Variants in FOSL2 observed in about 807,000 individuals in gnomAD.
The protein encoded by FOSL2 is fos-related antigen 2.
FOSL2 carries 3 observed loss-of-function variants against 27.7 expected under a neutral mutation model. That is an observed-to-expected ratio of 0.11 (90% CI 0.05 to 0.28). FOSL2 has a LOEUF of 0.28. Ranked by LOEUF, FOSL2 falls within the 10% of genes least tolerant of loss-of-function variation. FOSL2 has a pLI of 1.00. For missense variants in FOSL2, 333 were observed against 445.1 expected, an observed-to-expected ratio of 0.75 and a Z score of 2.27; for synonymous variants, 179 against 190.1, an observed-to-expected ratio of 0.94 and a Z score of 0.48.
Position 28,393,521 on chromosome 2 carries a change from G to A in FOSL2, c.-200G>A. On this transcript the variant is annotated 5_prime_UTR_variant, in exon 1 of 4. Coordinates refer to ENST00000264716, the MANE Select transcript of FOSL2 (RefSeq NM_005253.4). The surrounding 1 kb of genome is among the most constrained non-coding windows in gnomAD (Gnocchi z 4.6). The stretch of plus-strand genomic sequence containing the variant: ...CAGAGCCGGAAAGAAGTGCTGTAAG[G>A]GACGCTCGGGGGACGCTGTTCCTGA... The A allele has an allele frequency of 1.8e-6, 1 of 548,752 alleles. No individual in the cohort carries two copies. The highest frequency in any genetic ancestry group is 2.2e-5 in the South Asian group (1 of 45,100). The allele number at this position is 548,752 out of a possible 1,614,324, so 34.0% of individuals were successfully genotyped here.
chr2:28,396,833 C>A (rs1158728613), intron 1 of FOSL2: 4 of 151,368 alleles, frequency 2.6e-5, no homozygotes, highest in Admixed American at 2.0e-4. Context: ...CACACACACA[C>A]ACACAAAATT....
At position 28,413,967 on chromosome 2, in the gene FOSL2, C is replaced by A. The variant is rs1664261208; in HGVS notation, c.*1519C>A. On this transcript the variant is annotated 3_prime_UTR_variant, in exon 4 of 4. Coordinates refer to ENST00000264716, the MANE Select transcript of FOSL2 (RefSeq NM_005253.4). ...CCCCTGGCCTCCAGCAGGAGCACAGCTCAGCAGGGTCCCTGCTGCCCACCC... is the reference window on the plus strand; with the variant it reads ...CCCCTGGCCTCCAGCAGGAGCACAGATCAGCAGGGTCCCTGCTGCCCACCC... The A allele has an allele frequency of 5.0e-6, 2 of 397,210 alleles. No homozygotes were observed. Among genetic ancestry groups the A allele is most frequent in the Non-Finnish European group, 8.9e-6 (2 of 225,744 alleles). The allele number at this position is 397,210 out of a possible 1,614,324, so 24.6% of individuals were successfully genotyped here.
chr2:28,400,109 A>C (rs183003058), intron 1 of FOSL2, among the ~76,000 whole-genome samples: 2 of 152,234 alleles, frequency 1.3e-5, no homozygotes, highest in Admixed American at 1.3e-4. Flanking sequence ...AGCATCTTCA[A>C]AGTGTCCTTG....
At chr2:28,394,853 T>C (rs1663777772) in intron 1 of FOSL2, among the ~76,000 whole-genome samples, 1 of 151,848 alleles carries the variant, frequency 6.6e-6, no homozygotes, top group Admixed American at 6.5e-5. Context: ...ATCTGTGGAG[T>C]CTAGCATAGT....
intron 1 of FOSL2, among the ~76,000 whole-genome samples, chr2:28,394,149 CCACCCCT>C (rs1227078915): frequency 1.4e-4 from 16 of 111,380 alleles, no homozygotes; most frequent in African/African-American, 5.8e-4. Flanking sequence ...CCCCCCCCCC[CCACCCCT>C]GCCCCGCGTC....
Position 28,415,095 on chromosome 2 carries a change from T to TG in FOSL2, c.*2651dup, listed in dbSNP as rs1374733248. 1 of 152,280 alleles carries TG rather than the reference T, an allele frequency of 6.6e-6. No homozygotes were observed. The highest frequency in any genetic ancestry group is 2.4e-5 in the African/African-American group (1 of 41,430). The allele number at this position is 152,280 out of a possible 1,614,324, so 9.4% of individuals were successfully genotyped here. ...GCTCCAGCTATGGGAACAGCTGCAT[T>TG]GGGGCTGCCTTTCTGTTTGGCTTAG... On this transcript the variant is annotated 3_prime_UTR_variant, in exon 4 of 4. Transcript: ENST00000264716.
At position 28,408,775 on chromosome 2, in the gene FOSL2, A is replaced by G; in HGVS notation, c.371A>G (p.Glu124Gly). The G allele has an allele frequency of 6.2e-7, 1 of 1,611,148 alleles. No homozygotes were observed. Residue 124 changes from glutamate to glycine, a missense_variant, in exon 3 of 4, where the codon GAG (glutamate) becomes GGG (glycine). This residue lies in a region of FOSL2 where 40 missense variants were observed against 104.2 expected (regional missense o/e 0.38). Coordinates refer to ENST00000264716, the MANE Select transcript of FOSL2 (RefSeq NM_005253.4). This position sits in a 1 kb window ranked among gnomAD's most constrained non-coding sequence, Gnocchi z 4.1. Reference protein sequence around the residue: ...RRDEQLSPEEEEKRRIRRERN... With the variant: ...RRDEQLSPEEGEKRRIRRERN... The stretch of plus-strand genomic sequence containing the variant: ...GGCCTCTAGCTGTCTCCTGAAGAGG[A>G]GGAGAAGCGTCGCATCCGGCGGGAG...
At chr2:28,403,066 G>C (rs1211356366) in intron 1 of FOSL2, among the ~76,000 whole-genome samples, 1 of 152,164 alleles carries the variant, frequency 6.6e-6, no homozygotes, top group Non-Finnish European at 1.5e-5. Context: ...TGTGGACACA[G>C]GAGTCATCTG....
intron 3 of FOSL2, among the ~76,000 whole-genome samples, chr2:28,409,637 A>G (rs916008997): frequency 6.6e-6 from 1 of 152,226 alleles, no homozygotes; most frequent in African/African-American, 2.4e-5. Flanking sequence ...GACTCTCCCC[A>G]GTGGAATGCT....
intron 1 of FOSL2, chr2:28,396,803 C>CACACACACACACACACACAA (rs1558564575): frequency 1.2e-4 from 17 of 147,482 alleles, no homozygotes; most frequent in African/African-American, 4.3e-4. Flanking sequence ...CACACACACA[C>CACACACACACACACACACAA]ACACACACAC....
rs1446836826 is a variant in FOSL2 at position 28,404,598 on chromosome 2, A to T, written c.354+240A>T. ...TCTCTGAGTCTCACTTTCCTCAGCC[A>T]CAAAATGGGGATCATGGTCCCTGCA... On this transcript the variant is annotated intron_variant, in intron 2 of 3. Transcript: ENST00000264716. This position sits in a 1 kb window ranked among gnomAD's most constrained non-coding sequence, Gnocchi z 4.7. 1.3e-5 allele frequency among the ~76,000 whole-genome samples: 2 copies of T among 152,140 alleles called. No homozygotes were observed. Among genetic ancestry groups the T allele is most frequent in the Admixed American group, 6.6e-5 (1 of 15,266 alleles).
In FOSL2 at chr2:28,404,095, TC is replaced by T. The variant is rs1558567371; in HGVS notation, c.103-10del. On this transcript the variant is annotated splice_polypyrimidine_tract_variant and intron_variant, in intron 1 of 3. Transcript: ENST00000264716. This position sits in a 1 kb window ranked among gnomAD's most constrained non-coding sequence, Gnocchi z 4.7. ...TTTATTGGCTCATTTGTATTTTTTT[TC>T]CTCATTTCAGAAATTCCGGGTAGAT... The T allele has an allele frequency of 1.2e-6, 2 of 1,613,900 alleles. No individual in the cohort carries two copies. The highest frequency in any genetic ancestry group is 1.7e-5 in the Admixed American group (1 of 60,016).
chr2:28,407,263 G>A (rs1422556374), intron 2 of FOSL2, among the ~76,000 whole-genome samples: 1 of 152,236 alleles, frequency 6.6e-6, no homozygotes, highest in South Asian at 2.1e-4. Context: ...CTGCAGCAGG[G>A]CCATAAGGCT....
In FOSL2 at chr2:28,393,744, C is replaced by G; in HGVS notation, c.24C>G (p.Asn8Lys). Residue 8 changes from asparagine to lysine, a missense_variant, in exon 1 of 4, where the codon AAC becomes AAG. Physicochemically the swap from Asn to Lys is moderately conservative, Grantham distance 94. Transcript: ENST00000264716. This position sits in a 1 kb window ranked among gnomAD's most constrained non-coding sequence, Gnocchi z 4.6. ...TCATGTACCAGGATTATCCCGGGAA[C>G]TTTGACACCTCGTCCCGGGGCAGCA... MYQDYPG[N>K]FDTSSRGSSG... 5 of 1,610,472 alleles carry G rather than the reference C, an allele frequency of 3.1e-6. No individual in the cohort carries two copies. Among genetic ancestry groups the G allele is most frequent in the African/African-American group, 2.7e-5 (2 of 74,862 alleles).
chr2:28,410,258 G>T (rs1664164015), intron 3 of FOSL2, among the ~76,000 whole-genome samples: 1 of 152,150 alleles, frequency 6.6e-6, no homozygotes, highest in Non-Finnish European at 1.5e-5. Context: ...TTCCTCAGCG[G>T]GCCCTCCCAC....
In FOSL2 at chr2:28,415,556, G is replaced by C. The variant is rs1486098479; in HGVS notation, c.*3108G>C. On this transcript the variant is annotated 3_prime_UTR_variant, in exon 4 of 4. Transcript: ENST00000264716. ...ACTTGATTCCAAGTGTGGTTGAATTGTCTGGAGCACTGGGACTTTTTTTCT... is the reference window on the plus strand; with the variant it reads ...ACTTGATTCCAAGTGTGGTTGAATTCTCTGGAGCACTGGGACTTTTTTTCT... The C allele has an allele frequency of 1.3e-5, 2 of 152,328 alleles. No individual in the cohort carries two copies. Among genetic ancestry groups the C allele is most frequent in the African/African-American group, 4.8e-5 (2 of 41,574 alleles). 9.4% of individuals were successfully genotyped at this position (152,328 alleles called of 1,614,324 possible). A position where few individuals can be genotyped will look rare whatever the true frequency, so the allele number is the denominator to read the frequency against.
At position 28,412,287 on chromosome 2, in the gene FOSL2, A is replaced by G. The variant is rs778801664; in HGVS notation, c.820A>G (p.Thr274Ala). The G allele has an allele frequency of 1.3e-5, 21 of 1,613,328 alleles. No homozygotes were observed. Among genetic ancestry groups the G allele is most frequent in the Non-Finnish European group, 1.8e-5 (21 of 1,179,848 alleles). ...CGTGGTGACCTCCACACCTGCTGTC[A>G]CTCCGGGCACCTCGAACCTCGTCTT... ...PIVVTSTPAV[T>A]PGTSNLVFTY... Residue 274 changes from threonine to alanine, a missense_variant, in exon 4 of 4, where the codon ACT (threonine) becomes GCT (alanine). This residue lies in a region of FOSL2 where 136 missense variants were observed against 123.7 expected (regional missense o/e 1.10). Coordinates refer to ENST00000264716, the MANE Select transcript of FOSL2 (RefSeq NM_005253.4). This position sits in a 1 kb window ranked among gnomAD's most constrained non-coding sequence, Gnocchi z 7.1.
At chr2:28,410,257 G>A (rs1051838994) in intron 3 of FOSL2, among the ~76,000 whole-genome samples, 9 of 152,182 alleles carry the variant, frequency 5.9e-5, no homozygotes, top group East Asian at 1.9e-4. Context: ...CTTCCTCAGC[G>A]GGCCCTCCCA....
chr2:28,415,824 A>G lies in FOSL2; in HGVS notation c.*3376A>G, dbSNP rs1572500048. The G allele has an allele frequency of 1.3e-5, 2 of 152,190 alleles. No homozygotes were observed. Among genetic ancestry groups the G allele is most frequent in the South Asian group, 4.1e-4 (2 of 4,836 alleles). The allele number at this position is 152,190 out of a possible 1,614,324, so 9.4% of individuals were successfully genotyped here. On this transcript the variant is annotated 3_prime_UTR_variant, in exon 4 of 4. Transcript: ENST00000264716. ...TAAACAGAAACACTTAGAGGTGAGA[A>G]GGTCTGTCTTCAAGATCCAAGGTAA...
Sources: allele counts gnomAD v4.1 joint callset (sites outside exome capture counted in the v4.1 genomes callset), GRCh38; gene constraint gnomAD v4.1.1; regional missense constraint gnomAD v4.1.1; non-coding constraint Gnocchi (gnomAD v3.1); transcripts MANE v1.5; gene names NCBI Gene and HGNC (gene_info 2026-07-23, HGNC 2026-07-21).